Variants in TAS2R1 observed in about 807,000 individuals in gnomAD.
TAS2R1 encodes taste receptor type 2 member 1.
For missense variants in TAS2R1, 370 were observed against 353.4 expected, an observed-to-expected ratio of 1.05 and a Z score of -0.38; for synonymous variants, 141 against 134.2, an observed-to-expected ratio of 1.05 and a Z score of -0.35.
At chr5:9,875,840 T>G in the TAS2R1 span, among the ~76,000 whole-genome samples, 1 of 152,202 alleles carries the variant, frequency 6.6e-6, no homozygotes, top group South Asian at 2.1e-4. Flanking sequence ...GGGAGACACC[T>G]TGGTGAGTCC....
At chr5:9,679,625 A>C (rs970499674) in intron 1 of TAS2R1, among the ~76,000 whole-genome samples, 3 of 152,256 alleles carry the variant, frequency 2.0e-5, no homozygotes, top group African/African-American at 7.2e-5. Flanking sequence ...TGAACAATTA[A>C]ATGAATGTCA....
chr5:9,639,053 C>T (rs1051018974), intron 2 of TAS2R1, among the ~76,000 whole-genome samples: 5 of 152,164 alleles, frequency 3.3e-5, no homozygotes, highest in South Asian at 2.1e-4. Flanking sequence ...CTCCACTGCC[C>T]GCTCCATTGG....
At chr5:9,853,263 T>TA in the TAS2R1 span, among the ~76,000 whole-genome samples, 3 of 152,204 alleles carry the variant, frequency 2.0e-5, no homozygotes, top group African/African-American at 4.8e-5. Flanking sequence ...ATGGCAGTGT[T>TA]ACAGCTTCGT....
chr5:9,669,248 C>A (rs1346695218), intron 1 of TAS2R1, among the ~76,000 whole-genome samples: 1 of 151,998 alleles, frequency 6.6e-6, no homozygotes, highest in Non-Finnish European at 1.5e-5. Flanking sequence ...ACAGGAGCAC[C>A]CAGATTCATT....
chr5:9,869,835 A>C, the TAS2R1 span, among the ~76,000 whole-genome samples: 1 of 152,202 alleles, frequency 6.6e-6, no homozygotes, highest in Non-Finnish European at 1.5e-5. Context: ...CTATATGCTG[A>C]ATCTTGTGAG....
the TAS2R1 span, among the ~76,000 whole-genome samples, chr5:9,811,990 C>G: frequency 1.3e-5 from 2 of 152,064 alleles, no homozygotes; most frequent in Non-Finnish European, 2.9e-5. Context: ...ACTTCCTCCC[C>G]CCGCATTGCT....
the TAS2R1 span, among the ~76,000 whole-genome samples, chr5:9,741,174 C>T: frequency 6.6e-6 from 1 of 152,112 alleles, no homozygotes; most frequent in African/African-American, 2.4e-5. Context: ...CGTGAAGTCC[C>T]GGAGGTGGGG....
chr5:9,640,301 C>T (rs1740044667), intron 2 of TAS2R1, among the ~76,000 whole-genome samples: 1 of 151,556 alleles, frequency 6.6e-6, no homozygotes, highest in South Asian at 2.1e-4. Context: ...TTGGTGGTGT[C>T]CCCAAACAAT....
At chr5:9,665,787 A>T (rs1009703445) in intron 1 of TAS2R1, among the ~76,000 whole-genome samples, 2 of 152,258 alleles carry the variant, frequency 1.3e-5, no homozygotes, top group Non-Finnish European at 2.9e-5. Context: ...GCATTGTAGA[A>T]GAGATGTTAA....
chr5:9,630,649 C>T (rs1370188089), upstream of TAS2R1, among the ~76,000 whole-genome samples: 4 of 152,122 alleles, frequency 2.6e-5, no homozygotes, highest in Non-Finnish European at 4.4e-5. Flanking sequence ...TAGGCTTGCA[C>T]ATACATGTGT....
chr5:9,727,107 C>CA, the TAS2R1 span, among the ~76,000 whole-genome samples: 1 of 152,212 alleles, frequency 6.6e-6, no homozygotes, highest in African/African-American at 2.4e-5. Flanking sequence ...AACATACCCA[C>CA]AAAACACATG....
intron 1 of TAS2R1, among the ~76,000 whole-genome samples, chr5:9,680,743 A>G (rs1305701604): frequency 2.0e-5 from 3 of 152,192 alleles, no homozygotes; most frequent in Admixed American, 6.5e-5. Context: ...AAACTGAGAC[A>G]TGCCAATTAA....
At chr5:9,852,055 T>A in the TAS2R1 span, among the ~76,000 whole-genome samples, 1 of 152,228 alleles carries the variant, frequency 6.6e-6, no homozygotes, top group Non-Finnish European at 1.5e-5. Flanking sequence ...TATCTCACTG[T>A]GACAGCTCTG....
At chr5:9,798,046 G>C in the TAS2R1 span, among the ~76,000 whole-genome samples, 1 of 152,096 alleles carries the variant, frequency 6.6e-6, no homozygotes, top group Admixed American at 6.5e-5. Flanking sequence ...CCACGCAATG[G>C]AATACATGTG....
chr5:9,696,873 C>T (rs752630106), intron 1 of TAS2R1, among the ~76,000 whole-genome samples: 4 of 151,868 alleles, frequency 2.6e-5, no homozygotes, highest in Admixed American at 6.6e-5. Flanking sequence ...ATTAGCCAGC[C>T]GTGGTGGCAC....
At chr5:9,757,605 C>T in the TAS2R1 span, among the ~76,000 whole-genome samples, 3 of 152,126 alleles carry the variant, frequency 2.0e-5, no homozygotes, top group African/African-American at 4.8e-5. Context: ...AACTTAAAAT[C>T]ATGCTTAGAC....
At chr5:9,737,686 T>G in the TAS2R1 span, among the ~76,000 whole-genome samples, 1 of 152,162 alleles carries the variant, frequency 6.6e-6, no homozygotes, top group South Asian at 2.1e-4. Flanking sequence ...ACAGGCAAGA[T>G]GCTGTGGATG....
chr5:9,830,357 A>G, the TAS2R1 span, among the ~76,000 whole-genome samples: 1 of 152,136 alleles, frequency 6.6e-6, no homozygotes, highest in South Asian at 2.1e-4. Flanking sequence ...CAGATGACAG[A>G]TGATTGACAG....
At chr5:9,849,524 C>G in the TAS2R1 span, among the ~76,000 whole-genome samples, 2 of 152,224 alleles carry the variant, frequency 1.3e-5, no homozygotes, top group Admixed American at 1.3e-4. Context: ...GACCACCCAG[C>G]TCTGAAGGTC....
Sources: gnomAD v4.1 joint callset for allele counts (sites outside exome capture counted in the v4.1 genomes callset) on GRCh38, gnomAD v4.1.1 for gene constraint, MANE v1.5 for transcripts, NCBI Gene and HGNC (gene_info 2026-07-23, HGNC 2026-07-21) for gene names.